Variants in MCPH1 observed in about 807,000 individuals in gnomAD.
MCPH1 encodes the protein microcephalin.
MCPH1 carries 104 observed loss-of-function variants against 84.5 expected under a neutral mutation model. The observed-to-expected ratio is 1.23, with a 90% CI of 1.05 to 1.45. The LOEUF (loss-of-function observed/expected upper bound fraction) is 1.45. Among genes scored for constraint, MCPH1 ranks in the 40% most tolerant of loss-of-function variants. The pLI is 0.00. For synonymous variants in MCPH1, 514 were observed against 366.8 expected (o/e 1.40, Z -4.58); for missense variants, 1,498 against 1,005.7 (o/e 1.49, Z -6.62).
chr8:6,567,331 T>C (rs1006249597), intron 12 of MCPH1, among the ~76,000 whole-genome samples: 3 of 148,090 alleles, frequency 2.0e-5, no homozygotes, highest in Non-Finnish European at 4.5e-5. Flanking sequence ...CGCAAGGTCA[T>C]GGATAGTGCA....
chr8:6,566,025 G>C (rs1023514687), intron 12 of MCPH1, among the ~76,000 whole-genome samples: 1 of 152,190 alleles, frequency 6.6e-6, no homozygotes, highest in African/African-American at 2.4e-5. Context: ...GGCTCTGCAG[G>C]CTATACGGCC....
At chr8:6,451,522 G>A (rs1020850996) in intron 8 of MCPH1, among the ~76,000 whole-genome samples, 2 of 151,690 alleles carry the variant, frequency 1.3e-5, no homozygotes, top group African/African-American at 4.8e-5. Context: ...CCTCTACAAC[G>A]ATTACAAAGG....
chr8:6,593,894 A>C (rs1828712878), intron 12 of MCPH1, among the ~76,000 whole-genome samples: 2 of 152,194 alleles, frequency 1.3e-5, no homozygotes, highest in South Asian at 4.1e-4. Flanking sequence ...TCTTATGCAA[A>C]AGTGGCCGTC....
chr8:6,512,859 G>A (rs980888929), intron 12 of MCPH1, among the ~76,000 whole-genome samples: 1 of 152,214 alleles, frequency 6.6e-6, no homozygotes, highest in Admixed American at 6.5e-5. Context: ...TGTATTTCCT[G>A]TAGAGGAGAG....
intron 12 of MCPH1, among the ~76,000 whole-genome samples, chr8:6,594,440 A>T (rs1185429014): frequency 6.6e-6 from 1 of 152,186 alleles, no homozygotes; most frequent in Non-Finnish European, 1.5e-5. Context: ...ATCTTTCCAA[A>T]ACACTCATTC....
chr8:6,618,786 T>C (rs1831114360), intron 12 of MCPH1: 1 of 152,180 alleles, frequency 6.6e-6, no homozygotes, highest in African/African-American at 2.4e-5. Flanking sequence ...TTAGGGGTCT[T>C]TTTTTCTGAC....
intron 9 of MCPH1, among the ~76,000 whole-genome samples, chr8:6,474,558 G>T (rs1340244734): frequency 6.6e-6 from 1 of 152,062 alleles, no homozygotes; most frequent in Non-Finnish European, 1.5e-5. Flanking sequence ...AAAAATTATT[G>T]TTAAAAAAAG....
At chr8:6,595,356 T>C (rs1432984941) in intron 12 of MCPH1, among the ~76,000 whole-genome samples, 3 of 151,760 alleles carry the variant, frequency 2.0e-5, no homozygotes, top group East Asian at 1.9e-4. Context: ...GGGTCAGGAG[T>C]GTGGACTCGA....
chr8:6,558,548 A>C (rs977329931), intron 12 of MCPH1, among the ~76,000 whole-genome samples: 5 of 152,230 alleles, frequency 3.3e-5, no homozygotes, highest in African/African-American at 1.2e-4. Context: ...TAACTGGCTT[A>C]CAGATAAACT....
At chr8:6,613,692 G>T (rs1830511326) in intron 12 of MCPH1, among the ~76,000 whole-genome samples, 1 of 152,138 alleles carries the variant, frequency 6.6e-6, no homozygotes, top group African/African-American at 2.4e-5. Context: ...GACAGGATCA[G>T]TGATGGAGAT....
chr8:6,473,749 G>T, intron 9 of MCPH1: 1 of 646,976 alleles, frequency 1.5e-6, no homozygotes, highest in Non-Finnish European at 2.4e-6. Context: ...TGCAACATGA[G>T]TTTAATAAAG....
intron 8 of MCPH1, among the ~76,000 whole-genome samples, chr8:6,449,267 T>C (rs149466050): frequency 4.4e-4 from 67 of 152,336 alleles, no homozygotes; most frequent in African/African-American, 1.4e-3. Context: ...CGTGTCCTTA[T>C]ATTGCAGATT....
intron 11 of MCPH1, among the ~76,000 whole-genome samples, chr8:6,488,843 C>G (rs1328327159): frequency 1.3e-5 from 2 of 151,934 alleles, no homozygotes; most frequent in Non-Finnish European, 2.9e-5. Context: ...CAGGAGGCAG[C>G]TAGGGTCATC....
chr8:6,633,608 A>AG (rs1797322705), intron 13 of MCPH1, among the ~76,000 whole-genome samples: 1 of 152,128 alleles, frequency 6.6e-6, no homozygotes, highest in African/African-American at 2.4e-5. Context: ...AGCGTCCCCA[A>AG]GGGAAAAAAA....
At chr8:6,640,091 T>C (rs955403183) in intron 13 of MCPH1, among the ~76,000 whole-genome samples, 2 of 144,842 alleles carry the variant, frequency 1.4e-5, no homozygotes, top group African/African-American at 5.4e-5. Flanking sequence ...TGTGTGTGTG[T>C]GTGTGTGCGC....
chr8:6,529,074 C>T (rs953645911), intron 12 of MCPH1, among the ~76,000 whole-genome samples: 6 of 152,072 alleles, frequency 3.9e-5, no homozygotes, highest in Middle Eastern at 3.2e-3. Flanking sequence ...AGTAAAATTC[C>T]GTGTGGAGGC....
chr8:6,506,874 C>G (rs749400698), intron 12 of MCPH1, among the ~76,000 whole-genome samples: 5 of 150,306 alleles, frequency 3.3e-5, no homozygotes, highest in Non-Finnish European at 7.4e-5. Context: ...ATTTTCATTA[C>G]TAAATCCTCC....
chr8:6,632,421 A>G (rs1351468779), intron 13 of MCPH1, among the ~76,000 whole-genome samples: 1 of 152,192 alleles, frequency 6.6e-6, no homozygotes, highest in Non-Finnish European at 1.5e-5. Flanking sequence ...ATAAAGTTTT[A>G]CAGGAAAAAA....
At chr8:6,492,096 A>G (rs1385296589) in intron 11 of MCPH1, among the ~76,000 whole-genome samples, 5 of 152,272 alleles carry the variant, frequency 3.3e-5, no homozygotes, top group Middle Eastern at 3.4e-3. Flanking sequence ...CCCACTAGCA[A>G]TGTAAAAGTG....
Sources: allele counts gnomAD v4.1 joint callset (sites outside exome capture counted in the v4.1 genomes callset), GRCh38; gene constraint gnomAD v4.1.1; transcripts MANE v1.5; gene names NCBI Gene and HGNC (gene_info 2026-07-23, HGNC 2026-07-21).